Variants in NRXN3 observed in about 807,000 individuals in gnomAD.
The protein encoded by NRXN3 is neurexin III.
NRXN3 carries 32 observed loss-of-function variants against 137.6 expected under a neutral mutation model. The ratio of observed to expected loss-of-function variants is 0.23; its 90% confidence interval spans 0.18 to 0.31. NRXN3 has a LOEUF of 0.31. NRXN3 is among the 10% of genes least tolerant of loss of function. The pLI, the probability that NRXN3 is intolerant of heterozygous loss-of-function variation, is 1.00. For missense variants in NRXN3, 1,574 were observed against 2,062.5 expected, an observed-to-expected ratio of 0.76 and a Z score of 4.59; for synonymous variants, 798 against 784.5, an observed-to-expected ratio of 1.02 and a Z score of -0.29.
chr14:79,362,820 A>G (rs930819663), intron 15 of NRXN3, among the ~76,000 whole-genome samples: 1 of 152,182 alleles, frequency 6.6e-6, no homozygotes, highest in African/African-American at 2.4e-5. Flanking sequence ...GTTTACTCTG[A>G]CCAGATTACT....
intron 4 of NRXN3, among the ~76,000 whole-genome samples, chr14:78,542,705 A>G (rs2096602680): frequency 6.6e-6 from 1 of 152,092 alleles, no homozygotes; most frequent in African/African-American, 2.4e-5. Flanking sequence ...CCACTGTCTA[A>G]CCAGTCCCAG....
chr14:79,764,039 T>G (rs1047255040), intron 19 of NRXN3, among the ~76,000 whole-genome samples: 1 of 152,160 alleles, frequency 6.6e-6, no homozygotes, highest in Admixed American at 6.5e-5. Context: ...GTTTCTAAAG[T>G]AAAAATTAAC....
At chr14:79,756,091 C>G (rs2099018532) in intron 19 of NRXN3, among the ~76,000 whole-genome samples, 1 of 152,116 alleles carries the variant, frequency 6.6e-6, no homozygotes. Context: ...CATCATAGCT[C>G]TGCTTCAATC....
At chr14:79,441,769 C>A (rs1275709401) in intron 15 of NRXN3, among the ~76,000 whole-genome samples, 2 of 151,580 alleles carry the variant, frequency 1.3e-5, no homozygotes, top group Non-Finnish European at 2.9e-5. Context: ...TCTTCACACA[C>A]ACACAGTATG....
intron 15 of NRXN3, among the ~76,000 whole-genome samples, chr14:79,329,642 T>C (rs565165949): frequency 6.6e-6 from 1 of 152,312 alleles, no homozygotes; most frequent in South Asian, 2.1e-4. Context: ...TGGGCCATTG[T>C]TTGTTGATCC....
intron 17 of NRXN3, among the ~76,000 whole-genome samples, chr14:79,674,089 G>C (rs1021240950): frequency 6.6e-6 from 1 of 151,982 alleles, no homozygotes; most frequent in Admixed American, 6.6e-5. Flanking sequence ...GCCTAATGGA[G>C]CCTGAAGATC....
chr14:78,749,670 G>A (rs1230959974), intron 8 of NRXN3, among the ~76,000 whole-genome samples: 1 of 152,208 alleles, frequency 6.6e-6, no homozygotes, highest in Non-Finnish European at 1.5e-5. Context: ...TTTGGGAATA[G>A]AGAAATGGCT....
intron 1 of NRXN3, among the ~76,000 whole-genome samples, chr14:78,215,771 TG>T (rs111862109): frequency 1.8e-5 from 2 of 109,486 alleles, no homozygotes; most frequent in East Asian, 3.4e-4. Flanking sequence ...TGCAGGGGGG[TG>T]GGGGGGGCAG....
At chr14:78,605,556 A>C (rs964727766) in intron 4 of NRXN3, among the ~76,000 whole-genome samples, 3 of 152,166 alleles carry the variant, frequency 2.0e-5, no homozygotes, top group African/African-American at 7.2e-5. Context: ...TCATATAAAA[A>C]TGCTACTGGG....
intron 15 of NRXN3, among the ~76,000 whole-genome samples, chr14:79,387,234 A>G (rs1401177515): frequency 1.3e-5 from 2 of 152,100 alleles, no homozygotes; most frequent in East Asian, 3.8e-4. Context: ...AGAATCTACA[A>G]TGAACTCAAA....
At chr14:78,245,877 G>T (rs941101475) in intron 2 of NRXN3, among the ~76,000 whole-genome samples, 8 of 152,128 alleles carry the variant, frequency 5.3e-5, no homozygotes, top group Non-Finnish European at 2.9e-5. Context: ...TGGGAGAAGG[G>T]GTGGGGAAGA....
At chr14:78,917,567 T>C (rs1377665295) in intron 10 of NRXN3, among the ~76,000 whole-genome samples, 3 of 152,226 alleles carry the variant, frequency 2.0e-5, no homozygotes, top group Admixed American at 2.0e-4. Context: ...GTGTCAGGCA[T>C]CTATAGCCAT....
intron 15 of NRXN3, among the ~76,000 whole-genome samples, chr14:79,291,743 CATAA>C (rs567254456): frequency 1.3e-5 from 2 of 150,930 alleles, no homozygotes; most frequent in Admixed American, 1.3e-4. Flanking sequence ...TACAATATTT[CATAA>C]ATACTCTTAA....
At chr14:79,083,103 A>G (rs2047382232) in intron 15 of NRXN3, among the ~76,000 whole-genome samples, 9 of 152,184 alleles carry the variant, frequency 5.9e-5, no homozygotes, top group Admixed American at 5.9e-4. Flanking sequence ...ACAAATTCCC[A>G]TTTATTTTCC....
chr14:79,699,386 G>A (rs751550316), intron 19 of NRXN3, among the ~76,000 whole-genome samples: 15 of 152,046 alleles, frequency 9.9e-5, no homozygotes, highest in Non-Finnish European at 1.8e-4. Context: ...GTTTCTGTCA[G>A]AATGTATTCT....
chr14:78,450,829 G>A (rs751283880), intron 4 of NRXN3, among the ~76,000 whole-genome samples: 6 of 152,192 alleles, frequency 3.9e-5, no homozygotes, highest in Non-Finnish European at 7.3e-5. Context: ...CGAGAGGTTA[G>A]ACCTTGCTGT....
intron 10 of NRXN3, among the ~76,000 whole-genome samples, chr14:78,945,650 T>G (rs150113000): frequency 6.6e-6 from 1 of 152,142 alleles, no homozygotes; most frequent in African/African-American, 2.4e-5. Context: ...TTCTCAAGGG[T>G]AAAATGTGGT....
At chr14:79,361,999 T>A (rs552764656) in intron 15 of NRXN3, among the ~76,000 whole-genome samples, 20 of 132,346 alleles carry the variant, frequency 1.5e-4, no homozygotes, top group East Asian at 5.3e-4. Flanking sequence ...CTTTTATAAT[T>A]ATTATTATTA....
chr14:78,205,350 C>A (rs1323847263), intron 1 of NRXN3, among the ~76,000 whole-genome samples: 5 of 152,188 alleles, frequency 3.3e-5, no homozygotes, highest in African/African-American at 1.2e-4. Context: ...TTTTCTTTCC[C>A]AACCCAGAGT....
Sources: gnomAD v4.1 joint callset for allele counts (sites outside exome capture counted in the v4.1 genomes callset) on GRCh38, gnomAD v4.1.1 for gene constraint, MANE v1.5 for transcripts, NCBI Gene and HGNC (gene_info 2026-07-23, HGNC 2026-07-21) for gene names.